The following MED12L variants were observed in gnomAD, a reference collection of about 807,000 sequenced individuals.
The protein encoded by MED12L is mediator complex subunit 12L.
A neutral mutation model predicts 281.3 loss-of-function variants in MED12L; 60 were observed. The observed-to-expected ratio is 0.21, with a 90% CI of 0.17 to 0.26. MED12L has a LOEUF of 0.26. Ranked by LOEUF, MED12L falls within the 10% of genes least tolerant of loss-of-function variation. The probability of loss-of-function intolerance (pLI) is 1.00; values close to 1 mark genes in which losing one functional copy is unlikely to be tolerated. For synonymous variants in MED12L, 974 were observed against 987.2 expected, an observed-to-expected ratio of 0.99 and a Z score of 0.25; for missense variants, 2,146 against 2,680.9, an observed-to-expected ratio of 0.80 and a Z score of 4.41.
intron 5 of MED12L, among the ~76,000 whole-genome samples, chr3:151,133,201 C>T (rs1226096199): frequency 6.6e-6 from 1 of 152,164 alleles, no homozygotes; most frequent in African/African-American, 2.4e-5. Flanking sequence ...GTTTTATTTT[C>T]AGTTCCTACT....
intron 5 of MED12L, among the ~76,000 whole-genome samples, chr3:151,131,937 T>C (rs1311408603): frequency 6.6e-6 from 1 of 152,234 alleles, no homozygotes. Context: ...AGTCACTAGC[T>C]GTATTTTTTC....
intron 5 of MED12L, among the ~76,000 whole-genome samples, chr3:151,137,030 C>G (rs1489689676): frequency 6.6e-6 from 1 of 151,852 alleles, no homozygotes; most frequent in Non-Finnish European, 1.5e-5. Flanking sequence ...GGCATGGCGG[C>G]ATGTGCCTGT....
intron 2 of MED12L, among the ~76,000 whole-genome samples, chr3:151,087,549 C>T (rs1269806352): frequency 6.6e-6 from 1 of 152,224 alleles, no homozygotes; most frequent in Non-Finnish European, 1.5e-5. Context: ...GAATATACCT[C>T]TGTAACCCTT....
chr3:151,320,597 T>C (rs550752854), intron 16 of MED12L, among the ~76,000 whole-genome samples: 1 of 152,324 alleles, frequency 6.6e-6, no homozygotes, highest in Admixed American at 6.5e-5. Flanking sequence ...TTTGAAATTA[T>C]TTGTATCTAT....
chr3:151,158,280 G>A (rs1719541193), intron 6 of MED12L, among the ~76,000 whole-genome samples: 1 of 151,990 alleles, frequency 6.6e-6, no homozygotes, highest in Non-Finnish European at 1.5e-5. Flanking sequence ...GGGGGCATTG[G>A]GTCTGATGGG....
At chr3:151,096,308 A>G (rs975881740) in intron 2 of MED12L, among the ~76,000 whole-genome samples, 1 of 152,196 alleles carries the variant, frequency 6.6e-6, no homozygotes. Flanking sequence ...TTATAGCCAT[A>G]TAATGTTGTT....
At chr3:151,331,645 A>C (rs1276735975) in intron 16 of MED12L, among the ~76,000 whole-genome samples, 1 of 152,226 alleles carries the variant, frequency 6.6e-6, no homozygotes, top group East Asian at 1.9e-4. Context: ...AGATACAGTG[A>C]AAGATCCCAG....
At chr3:151,299,347 TCC>T (rs1745547230) in intron 16 of MED12L, among the ~76,000 whole-genome samples, 3 of 149,596 alleles carry the variant, frequency 2.0e-5, no homozygotes, top group Non-Finnish European at 4.5e-5. Context: ...TTTCTTTCCT[TCC>T]TTCCTTCTTT....
At chr3:151,338,826 AGGTTGTCG>A (rs1751397527) in intron 16 of MED12L, 1 of 1,613,654 alleles carries the variant, frequency 6.2e-7, no homozygotes, top group African/African-American at 1.3e-5. Context: ...CGCAGAGGTG[AGGTTGTCG>A]ACGGCTTGCA....
intron 43 of MED12L, among the ~76,000 whole-genome samples, chr3:151,428,508 T>C (rs912512894): frequency 6.6e-6 from 1 of 151,974 alleles, no homozygotes; most frequent in Non-Finnish European, 1.5e-5. Flanking sequence ...AATTGAAGGC[T>C]CTTAGAATTA....
intron 16 of MED12L, among the ~76,000 whole-genome samples, chr3:151,344,358 G>A (rs1752274747): frequency 6.6e-6 from 1 of 151,538 alleles, no homozygotes; most frequent in Non-Finnish European, 1.5e-5. Flanking sequence ...TCATCCATGT[G>A]CACACCCATT....
At chr3:151,261,312 TG>T (rs1738842401) in intron 16 of MED12L, 1 of 152,118 alleles carries the variant, frequency 6.6e-6, no homozygotes. Flanking sequence ...ATATCAAAGC[TG>T]GTTTCTAATC....
chr3:151,373,832 A>G (rs1756489580), intron 27 of MED12L, among the ~76,000 whole-genome samples: 2 of 152,160 alleles, frequency 1.3e-5, no homozygotes, highest in African/African-American at 2.4e-5. Context: ...GGAATCAACT[A>G]TTCCTCCAAG....
At chr3:151,411,845 CTTGA>C in intron 41 of MED12L, among the ~76,000 whole-genome samples, 1 of 152,146 alleles carries the variant, frequency 6.6e-6, no homozygotes, top group East Asian at 1.9e-4. Flanking sequence ...AGAGAAAACT[CTTGA>C]TTATTGTTAG....
chr3:151,380,984 G>C (rs16863348), intron 32 of MED12L, among the ~76,000 whole-genome samples: 3 of 152,172 alleles, frequency 2.0e-5, no homozygotes, highest in East Asian at 1.9e-4. Flanking sequence ...AAATCAGAAG[G>C]CATGTTGGTT....
rs894040866 is a variant in MED12L at position 151,192,726 on chromosome 3, TCTGTGTTCTCAGAATGA to T, written c.2073+75_2073+91del. 3 of 924,048 alleles carry T rather than the reference TCTGTGTTCTCAGAATGA, an allele frequency of 3.2e-6. No individual in the cohort carries two copies. In the African/African-American group the frequency reaches 4.9e-5, roughly 15 times the overall value. The allele number at this position is 924,048 out of a possible 1,614,324, so 57.2% of individuals were successfully genotyped here. On this transcript the variant is annotated intron_variant, in intron 15 of 44. Transcript: ENST00000687756. ...TCCCATCCCAGCCTGTCTCGATCCT[TCTGTGTTCTCAGAATGA>T]CTTGCACATTTGTGATATGTAATCT...
chr3:151,399,943 C>T (rs537190539), intron 39 of MED12L, among the ~76,000 whole-genome samples: 3 of 152,276 alleles, frequency 2.0e-5, no homozygotes, highest in Non-Finnish European at 4.4e-5. Context: ...TCTCCTGCCT[C>T]AGCCTCCCGA....
At chr3:151,106,237 CT>C (rs1722005940) in intron 2 of MED12L, among the ~76,000 whole-genome samples, 1 of 149,050 alleles carries the variant, frequency 6.7e-6, no homozygotes, top group African/African-American at 2.5e-5. Flanking sequence ...TCCTTCCTTC[CT>C]TTCCTTTCCT....
chr3:151,353,915 G>C (rs574535924), intron 17 of MED12L, among the ~76,000 whole-genome samples: 1 of 152,030 alleles, frequency 6.6e-6, no homozygotes, highest in African/African-American at 2.4e-5. Context: ...GCCGAGGCGG[G>C]CGGATCACGA....
Sources: gnomAD v4.1 joint callset for allele counts (sites outside exome capture counted in the v4.1 genomes callset) on GRCh38, gnomAD v4.1.1 for gene constraint, MANE v1.5 for transcripts, NCBI Gene and HGNC (gene_info 2026-07-23, HGNC 2026-07-21) for gene names.